THRB: variants seen among roughly 807,000 people sequenced by gnomAD.
THRB encodes thyroid hormone receptor beta.
Under a neutral mutation model 47.8 loss-of-function variants are expected in THRB, and 12 were observed. The observed-to-expected ratio is 0.25, with a 90% CI of 0.16 to 0.41. THRB has a LOEUF of 0.41. Ranked by LOEUF, THRB falls within the 10% of genes least tolerant of loss-of-function variation. The pLI, the probability that THRB is intolerant of heterozygous loss-of-function variation, is 1.00. For missense variants in THRB, 348 were observed against 589.2 expected (o/e 0.59, Z 4.24); for synonymous variants, 218 against 212.2 (o/e 1.03, Z -0.24).
chr3:24,165,044 G>A (rs1559492422), intron 5 of THRB: 3 of 749,746 alleles, frequency 4.0e-6, no homozygotes, highest in Admixed American at 3.5e-5. Context: ...TTGAGAATAC[G>A]ATGGCGACTG....
At chr3:24,289,601 G>A (rs754806769) in intron 3 of THRB, among the ~76,000 whole-genome samples, 8 of 152,104 alleles carry the variant, frequency 5.3e-5, no homozygotes, top group Non-Finnish European at 7.4e-5. Flanking sequence ...CAGAAATGAC[G>A]TGAAAATTAA....
intron 1 of THRB, among the ~76,000 whole-genome samples, chr3:24,482,226 G>A (rs1696546352): frequency 6.6e-6 from 1 of 152,262 alleles, no homozygotes; most frequent in African/African-American, 2.4e-5. Context: ...TAATAAAATT[G>A]TTTTCCATGT....
chr3:24,390,784 T>TAAAAAAA (rs33999392), intron 1 of THRB, among the ~76,000 whole-genome samples: 1 of 138,230 alleles, frequency 7.2e-6, no homozygotes, highest in African/African-American at 2.7e-5. Flanking sequence ...CTTTACTTTG[T>TAAAAAAA]AAAAAAAAAA....
intron 1 of THRB, among the ~76,000 whole-genome samples, chr3:24,428,263 T>C (rs920610361): frequency 2.0e-5 from 3 of 152,034 alleles, no homozygotes; most frequent in African/African-American, 4.8e-5. Context: ...TGCCTGGCAT[T>C]AAGCTAAGCA....
At chr3:24,208,937 T>C (rs2045706838) in intron 4 of THRB, among the ~76,000 whole-genome samples, 1 of 152,200 alleles carries the variant, frequency 6.6e-6, no homozygotes, top group Non-Finnish European at 1.5e-5. Context: ...TTTTGCAATC[T>C]ACGCATCTGA....
intron 10 of THRB, among the ~76,000 whole-genome samples, chr3:24,123,401 GCCTC>G (rs1189020748): frequency 1.3e-5 from 2 of 152,124 alleles, no homozygotes; most frequent in Non-Finnish European, 2.9e-5. Context: ...GAAAGGTGAT[GCCTC>G]CCTCCTAGGG....
At chr3:24,251,648 G>C (rs2050678198) in intron 3 of THRB, among the ~76,000 whole-genome samples, 2 of 152,006 alleles carry the variant, frequency 1.3e-5, no homozygotes, top group South Asian at 4.1e-4. Flanking sequence ...TGCATAGACT[G>C]AAAATCATGG....
At chr3:24,325,400 G>A (rs2058737184) in intron 2 of THRB, among the ~76,000 whole-genome samples, 1 of 152,150 alleles carries the variant, frequency 6.6e-6, no homozygotes, top group African/African-American at 2.4e-5. Flanking sequence ...AAAAGAGCAA[G>A]GAGAGGCCGG....
At chr3:24,374,506 T>C (rs1373148939) in intron 1 of THRB, among the ~76,000 whole-genome samples, 2 of 152,170 alleles carry the variant, frequency 1.3e-5, no homozygotes, top group Non-Finnish European at 2.9e-5. Context: ...AAATGTTACA[T>C]AACTTCTTGT....
At chr3:24,376,990 T>G (rs369882342) in intron 1 of THRB, among the ~76,000 whole-genome samples, 1 of 152,160 alleles carries the variant, frequency 6.6e-6, no homozygotes, top group South Asian at 2.1e-4. Flanking sequence ...TAGGCTACAG[T>G]GCAGTGGCAT....
chr3:24,432,679 C>T (rs2070559211), intron 1 of THRB, among the ~76,000 whole-genome samples: 1 of 152,114 alleles, frequency 6.6e-6, no homozygotes, highest in African/African-American at 2.4e-5. Flanking sequence ...TGATAGCTAA[C>T]TTCAGAAATT....
chr3:24,452,760 T>C (rs938026433), intron 1 of THRB, among the ~76,000 whole-genome samples: 1 of 152,140 alleles, frequency 6.6e-6, no homozygotes, highest in African/African-American at 2.4e-5. Context: ...ATGGTCTGCT[T>C]GATGACAATG....
At chr3:24,371,856 C>A (rs1466834170) in intron 1 of THRB, among the ~76,000 whole-genome samples, 4 of 152,052 alleles carry the variant, frequency 2.6e-5, no homozygotes, top group African/African-American at 9.7e-5. Flanking sequence ...GTAGTTCAAC[C>A]TACATTTGAT....
At position 24,305,848 on chromosome 3, in the gene THRB, A is replaced by G. The variant is rs182499637; in HGVS notation, c.-188-8477T>C. 2.4e-3 allele frequency among the ~76,000 whole-genome samples: 364 copies of G among 152,326 alleles called. 2 individuals carry two copies. The highest frequency in any genetic ancestry group is 8.6e-3 in the African/African-American group (357 of 41,572). On this transcript the variant is annotated intron_variant, in intron 2 of 10. Coordinates refer to ENST00000646209, the MANE Select transcript of THRB (RefSeq NM_001354712.2). ...AATACCTAGTTCTATGCAGCATTCA[A>G]AATCAGGTTTACCTTCCTCTAATCG...
intron 1 of THRB, among the ~76,000 whole-genome samples, chr3:24,338,993 A>G (rs1045045896): frequency 1.3e-5 from 2 of 152,240 alleles, no homozygotes; most frequent in African/African-American, 4.8e-5. Flanking sequence ...TAAGAAGCTT[A>G]TTCAAAGAGG....
chr3:24,353,932 C>A lies in THRB; in HGVS notation c.-260-16561G>T, dbSNP rs1232877128. Among the ~76,000 whole-genome samples the A allele has an allele frequency of 2.6e-5, 4 of 152,188 alleles. No homozygotes were observed. The East Asian group carries it at 7.7e-4, about 29-fold the overall frequency. ...AGGAGGATACTAAGTACATCATTTA[C>A]AATATGGTAGTCTTGTGCCCTGATT... On this transcript the variant is annotated intron_variant, in intron 1 of 10. Transcript: ENST00000646209.
intron 1 of THRB, among the ~76,000 whole-genome samples, chr3:24,441,285 G>A (rs186356105): frequency 6.6e-6 from 1 of 152,150 alleles, no homozygotes; most frequent in African/African-American, 2.4e-5. Context: ...CATATTCACA[G>A]GTCCAGGCCA....
chr3:24,264,440 A>C (rs185823765), intron 3 of THRB, among the ~76,000 whole-genome samples: 8 of 152,274 alleles, frequency 5.3e-5, no homozygotes, highest in African/African-American at 1.9e-4. Context: ...AAGTTTGGAC[A>C]TAGGGAATCA....
At chr3:24,365,627 A>C (rs550027802) in intron 1 of THRB, among the ~76,000 whole-genome samples, 1 of 152,312 alleles carries the variant, frequency 6.6e-6, no homozygotes, top group African/African-American at 2.4e-5. Context: ...CAATTGCCAT[A>C]TGGATAATCT....
Sources: gnomAD v4.1 joint callset for allele counts (sites outside exome capture counted in the v4.1 genomes callset) on GRCh38, gnomAD v4.1.1 for gene constraint, MANE v1.5 for transcripts, NCBI Gene and HGNC (gene_info 2026-07-23, HGNC 2026-07-21) for gene names.